RNGTT: variants seen among roughly 807,000 people sequenced by gnomAD.
The protein encoded by RNGTT is RNA guanylyltransferase and 5'-phosphatase, also known as mRNA-capping enzyme.
In RNGTT, 33 loss-of-function variants were observed where a neutral mutation model predicts 79.3. The ratio of observed to expected loss-of-function variants is 0.42; its 90% confidence interval spans 0.32 to 0.56. RNGTT has a LOEUF of 0.56. Among genes scored for constraint, RNGTT ranks in the 20% least tolerant of loss-of-function variants. The pLI is 0.17. For synonymous variants in RNGTT, 222 were observed against 235.9 expected (o/e 0.94, Z 0.54); for missense variants, 497 against 739.1 (o/e 0.67, Z 3.80).
At chr6:88,929,866 A>G (rs1189497990) in intron 2 of RNGTT, among the ~76,000 whole-genome samples, 1 of 151,508 alleles carries the variant, frequency 6.6e-6, no homozygotes, top group Admixed American at 6.6e-5. Flanking sequence ...ATGTATACAT[A>G]TGCATATATA....
intron 14 of RNGTT, among the ~76,000 whole-genome samples, chr6:88,617,224 C>T (rs985799418): frequency 3.3e-5 from 5 of 152,140 alleles, no homozygotes; most frequent in Admixed American, 2.0e-4. Context: ...GAGCTGAGAT[C>T]GTGCCACTGC....
chr6:88,724,957 C>T (rs184781376), intron 13 of RNGTT, among the ~76,000 whole-genome samples: 96 of 152,302 alleles, frequency 6.3e-4, no homozygotes, highest in African/African-American at 2.2e-3. Context: ...CACATGGTCA[C>T]GGATAAGAAC....
intron 13 of RNGTT, among the ~76,000 whole-genome samples, chr6:88,746,865 C>A (rs908240752): frequency 1.3e-5 from 2 of 152,172 alleles, no homozygotes; most frequent in African/African-American, 4.8e-5. Context: ...GTGATGCCAA[C>A]TCTTGGGGCA....
In RNGTT at chr6:88,903,121, A is replaced by C. The variant is rs60151031; in HGVS notation, c.684+1594T>G. On this transcript the variant is annotated intron_variant, in intron 6 of 15. Coordinates refer to ENST00000369485, the MANE Select transcript of RNGTT (RefSeq NM_003800.5). ...GAAAGGAACATACCACTAGTGGCAC[A>C]AAAAAAGAGTAAGACAATTTGAATC... Among the ~76,000 whole-genome samples, 215 of 152,352 alleles carry C rather than the reference A, an allele frequency of 1.4e-3. 2 individuals carry two copies. The East Asian group carries it at 0.038, about 27-fold the overall frequency.
intron 11 of RNGTT, among the ~76,000 whole-genome samples, chr6:88,819,650 T>C (rs1228270442): frequency 6.6e-6 from 1 of 152,200 alleles, no homozygotes; most frequent in East Asian, 1.9e-4. Context: ...GTCTTCTTCA[T>C]GTATGCTACC....
chr6:88,909,178 T>C (rs1392322879), intron 4 of RNGTT, among the ~76,000 whole-genome samples: 1 of 152,224 alleles, frequency 6.6e-6, no homozygotes, highest in Non-Finnish European at 1.5e-5. Flanking sequence ...CTCCGTGGCT[T>C]GGAGCATCTG....
chr6:88,838,443 C>T lies in RNGTT; in HGVS notation c.1269+5914G>A, dbSNP rs138793457. Among the ~76,000 whole-genome samples, 530 of 152,046 alleles carry T rather than the reference C, an allele frequency of 3.5e-3. 11 individuals are homozygous for T. Among genetic ancestry groups the T allele is most frequent in the Non-Finnish European group, 7.7e-4 (52 of 67,930 alleles). On this transcript the variant is annotated intron_variant, in intron 11 of 15. Coordinates refer to ENST00000369485, the MANE Select transcript of RNGTT (RefSeq NM_003800.5). ...TAAAACATCAAAATACAAAAATCAACGTACTCCTTTGGGGAAAAAAGTATA... is the reference window on the plus strand; with the variant it reads ...TAAAACATCAAAATACAAAAATCAATGTACTCCTTTGGGGAAAAAAGTATA...
intron 9 of RNGTT, among the ~76,000 whole-genome samples, chr6:88,852,021 T>C (rs1235827099): frequency 6.7e-6 from 1 of 149,866 alleles, no homozygotes; most frequent in African/African-American, 2.4e-5. Flanking sequence ...CAAAAATCTT[T>C]CTATAGAAAT....
chr6:88,783,492 A>G (rs1779130109), intron 12 of RNGTT, among the ~76,000 whole-genome samples: 1 of 152,182 alleles, frequency 6.6e-6, no homozygotes, highest in South Asian at 2.1e-4. Flanking sequence ...TTCACAATGT[A>G]TATCAAAACA....
intron 12 of RNGTT, among the ~76,000 whole-genome samples, chr6:88,775,581 G>A (rs1451222987): frequency 6.6e-6 from 1 of 152,126 alleles, no homozygotes; most frequent in African/African-American, 2.4e-5. Context: ...AACTGACAGA[G>A]TAATTTATAT....
intron 14 of RNGTT, among the ~76,000 whole-genome samples, chr6:88,656,463 T>A (rs1773981044): frequency 6.6e-6 from 1 of 152,152 alleles, no homozygotes; most frequent in Non-Finnish European, 1.5e-5. Context: ...AAAAATTTTC[T>A]CTGAAAACTT....
intron 2 of RNGTT, among the ~76,000 whole-genome samples, chr6:88,934,534 T>C (rs1784608755): frequency 6.6e-6 from 1 of 152,228 alleles, no homozygotes; most frequent in Non-Finnish European, 1.5e-5. Flanking sequence ...TGTTTCCAGT[T>C]CTTTGTATAT....
intron 1 of RNGTT, among the ~76,000 whole-genome samples, chr6:88,956,617 T>C (rs112432527): frequency 0.052 from 7,889 of 152,168 alleles, 311 homozygotes; most frequent in African/African-American, 0.1. Context: ...ATATCCCTGA[T>C]GAACATAGAT....
chr6:88,734,084 A>C (rs1185640966), intron 13 of RNGTT, among the ~76,000 whole-genome samples: 8 of 152,184 alleles, frequency 5.3e-5, no homozygotes, highest in African/African-American at 1.9e-4. Context: ...TCAGAAGTAA[A>C]TAACTGTCTA....
chr6:88,849,607 T>TA, intron 10 of RNGTT, 148 bp downstream of exon 10: 1 of 550,928 alleles, frequency 1.8e-6, no homozygotes, highest in South Asian at 5.3e-5. Flanking sequence ...AAAGGAGATA[T>TA]AAAAGGATTA....
chr6:88,934,098 T>C (rs1456844827), intron 2 of RNGTT, among the ~76,000 whole-genome samples: 3 of 152,170 alleles, frequency 2.0e-5, no homozygotes, highest in African/African-American at 7.2e-5. Context: ...AGCACAATCA[T>C]AGCTCACCAC....
At chr6:88,670,303 G>C (rs1774585541) in intron 14 of RNGTT, among the ~76,000 whole-genome samples, 1 of 152,172 alleles carries the variant, frequency 6.6e-6, no homozygotes, top group Non-Finnish European at 1.5e-5. Context: ...AACAGTATTA[G>C]GAACCTGCTT....
intron 2 of RNGTT, among the ~76,000 whole-genome samples, chr6:88,938,990 G>A (rs1784758948): frequency 6.6e-6 from 1 of 152,162 alleles, no homozygotes; most frequent in Non-Finnish European, 1.5e-5. Flanking sequence ...TCCACTATTA[G>A]TCTAATGGGA....
intron 1 of RNGTT, among the ~76,000 whole-genome samples, chr6:88,949,311 G>A (rs1390190344): frequency 2.7e-5 from 4 of 145,690 alleles, no homozygotes; most frequent in African/African-American, 1.0e-4. Flanking sequence ...GCCCAGGCTG[G>A]AGTCAGTAGC....
Sources: allele counts gnomAD v4.1 joint callset (sites outside exome capture counted in the v4.1 genomes callset), GRCh38; gene constraint gnomAD v4.1.1; transcripts MANE v1.5; gene names NCBI Gene and HGNC (gene_info 2026-07-23, HGNC 2026-07-21).